REEP5: variants seen among roughly 807,000 people sequenced by gnomAD.
REEP5 encodes the protein receptor expression-enhancing protein 5.
Under a neutral mutation model 22.4 loss-of-function variants are expected in REEP5, and 24 were observed. The observed-to-expected ratio is 1.07, with a 90% confidence interval of 0.78 to 1.51. REEP5 has a LOEUF of 1.51. REEP5 is among the 40% of genes most tolerant of loss of function. The pLI, the probability that REEP5 is intolerant of heterozygous loss-of-function variation, is 0.00. For missense variants in REEP5, 252 were observed against 233.0 expected (o/e 1.08, Z -0.53); for synonymous variants, 103 against 88.6 (o/e 1.16, Z -0.92).
intron 4 of REEP5, among the ~76,000 whole-genome samples, chr5:112,881,127 T>TTAAAAA (rs1768062397): frequency 4.6e-5 from 1 of 21,646 alleles, no homozygotes; most frequent in African/African-American, 8.4e-4. Flanking sequence ...AGACTCTGTT[T>TTAAAAA]CAAAAAAAAA....
intron 2 of REEP5, among the ~76,000 whole-genome samples, chr5:112,919,455 G>A (rs999222898): frequency 6.6e-6 from 1 of 152,024 alleles, no homozygotes; most frequent in African/African-American, 2.4e-5. Flanking sequence ...GGCTGAGGCA[G>A]GAGAATTGCT....
chr5:112,917,413 T>C (rs578060564), intron 2 of REEP5, among the ~76,000 whole-genome samples: 3 of 152,324 alleles, frequency 2.0e-5, no homozygotes, highest in Non-Finnish European at 2.9e-5. Context: ...CCAACTCTGA[T>C]AGTCCCAGGA....
In REEP5 at chr5:112,889,262, T is replaced by C. The variant is rs115013757; in HGVS notation, c.352-2079A>G. 3.3e-3 allele frequency among the ~76,000 whole-genome samples: 499 copies of C among 150,758 alleles called. 31 individuals carry two copies. The highest frequency in any genetic ancestry group is 0.012 in the African/African-American group (467 of 40,540). ...AAAACAAAACAAAACCCAGACACTA[T>C]AGGACTAAATTTTTTATAAAACCCC... is the stretch of plus-strand genomic sequence containing the variant. On this transcript the variant is annotated intron_variant, in intron 3 of 4. Transcript: ENST00000379638.
At chr5:112,885,714 A>G in intron 4 of REEP5, 1 of 304,042 alleles carries the variant, frequency 3.3e-6, no homozygotes. Flanking sequence ...CAGTGGGGAC[A>G]TTATCAGCCA....
chr5:112,916,322 ACATCTTCCCTT>A (rs1193375453), intron 2 of REEP5, among the ~76,000 whole-genome samples: 8 of 152,094 alleles, frequency 5.3e-5, no homozygotes, highest in Non-Finnish European at 1.0e-4. Context: ...TCATCCCCAA[ACATCTTCCCTT>A]GAGATACTTG....
At chr5:112,903,534 CTT>C (rs938465352) in intron 2 of REEP5, among the ~76,000 whole-genome samples, 31 of 152,284 alleles carry the variant, frequency 2.0e-4, no homozygotes, top group African/African-American at 6.7e-4. Context: ...CCACTAAAAA[CTT>C]ATCCATGTAA....
chr5:112,921,499 C>G (rs1316245011), intron 1 of REEP5: 2 of 555,166 alleles, frequency 3.6e-6, no homozygotes, highest in Non-Finnish European at 6.5e-6. Context: ...GGGGCCCCGG[C>G]GCTTTGCGCA....
rs147207416 is a variant in REEP5, at chr5:112,919,422, C to T, written c.212+1741G>A. Among the ~76,000 whole-genome samples, 800 of 151,970 alleles carry T rather than the reference C, an allele frequency of 5.3e-3. 12 individuals carry two copies. Among genetic ancestry groups the T allele is most frequent in the African/African-American group, 0.018 (765 of 41,410 alleles). On this transcript the variant is annotated intron_variant, in intron 2 of 4. Coordinates refer to ENST00000379638, the MANE Select transcript of REEP5 (RefSeq NM_005669.5). ...AATTACTCAGGCGTGGTGGCACACGCCTGTAATCCCAGCTACTAGGGAGGC... is the reference window on the plus strand; with the variant it reads ...AATTACTCAGGCGTGGTGGCACACGTCTGTAATCCCAGCTACTAGGGAGGC...
At position 112,878,469 on chromosome 5, in the gene REEP5, T is replaced by A. The variant is rs2150032272; in HGVS notation, c.*317A>T. Reference sequence around the variant, plus strand: ...TGCGTGCAGGGAGAGCCCAGTAAAGTACACAGCCTGTGGGGTATATAATTT... The same window carrying A: ...TGCGTGCAGGGAGAGCCCAGTAAAGAACACAGCCTGTGGGGTATATAATTT... On this transcript the variant is annotated 3_prime_UTR_variant, in exon 5 of 5. Coordinates refer to ENST00000379638, the MANE Select transcript of REEP5 (RefSeq NM_005669.5). The A allele has an allele frequency of 3.2e-6, 1 of 310,048 alleles. No individual in the cohort carries two copies. The highest frequency in any genetic ancestry group is 5.9e-6 in the Non-Finnish European group (1 of 168,844). 19.2% of individuals were successfully genotyped at this position (310,048 alleles called of 1,614,324 possible).
At chr5:112,918,636 T>A (rs6882720) in intron 2 of REEP5, among the ~76,000 whole-genome samples, 2 of 152,068 alleles carry the variant, frequency 1.3e-5, no homozygotes, top group Non-Finnish European at 2.9e-5. Context: ...AAAATATAAA[T>A]CGTATCATGT....
chr5:112,908,027 G>A (rs1169065452), intron 2 of REEP5, among the ~76,000 whole-genome samples: 1 of 147,892 alleles, frequency 6.8e-6, no homozygotes, highest in Non-Finnish European at 1.5e-5. Flanking sequence ...TACTAAAATT[G>A]ATTAAAAAAA....
intron 2 of REEP5, among the ~76,000 whole-genome samples, chr5:112,919,061 G>C (rs1769291551): frequency 6.6e-6 from 1 of 152,172 alleles, no homozygotes; most frequent in Admixed American, 6.5e-5. Context: ...TTTGATTTTT[G>C]CTAAATAGAT....
At position 112,876,616 on chromosome 5, in the gene REEP5, A is replaced by T. The variant is rs553709206; in HGVS notation, c.*2170T>A. On this transcript the variant is annotated 3_prime_UTR_variant, in exon 5 of 5. Coordinates refer to ENST00000379638, the MANE Select transcript of REEP5 (RefSeq NM_005669.5). ...TTAAGCTGTTTGGTAGGAATTCTGT[A>T]ACTACATACCTTTGAAACACTATTC... 4 of 152,322 alleles carry T rather than the reference A, an allele frequency of 2.6e-5. No individual in the cohort carries two copies. Among genetic ancestry groups the T allele is most frequent in the Non-Finnish European group, 5.9e-5 (4 of 68,030 alleles). 9.4% of individuals were successfully genotyped at this position (152,322 alleles called of 1,614,324 possible).
At chr5:112,902,198 G>A (rs527805377) in intron 3 of REEP5, among the ~76,000 whole-genome samples, 182 bp downstream of exon 3, 32 of 131,380 alleles carry the variant, frequency 2.4e-4, no homozygotes, top group Non-Finnish European at 4.1e-4. Flanking sequence ...GAGGCAAGTG[G>A]CTTGCTTGAG....
intron 2 of REEP5, among the ~76,000 whole-genome samples, chr5:112,915,880 T>TGC (rs1554094969): frequency 7.5e-6 from 1 of 133,824 alleles, no homozygotes; most frequent in African/African-American, 2.7e-5. Context: ...AATTACAATT[T>TGC]AAAAAAAAAA....
intron 1 of REEP5, 174 bp downstream of exon 1, chr5:112,921,899 G>T: frequency 1.3e-6 from 1 of 765,184 alleles, no homozygotes; most frequent in Non-Finnish European, 1.9e-6. Flanking sequence ...GCCCCCGCGG[G>T]GTCCTCCGAT....
intron 2 of REEP5, among the ~76,000 whole-genome samples, chr5:112,910,063 G>A (rs1430150354): frequency 4.6e-5 from 7 of 152,216 alleles, no homozygotes; most frequent in African/African-American, 1.7e-4. Flanking sequence ...AGCATTTTGG[G>A]AGGCCAAGGA....
chr5:112,905,307 GA>G (rs1768931029), intron 2 of REEP5, among the ~76,000 whole-genome samples: 1 of 152,100 alleles, frequency 6.6e-6, no homozygotes, highest in Non-Finnish European at 1.5e-5. Context: ...TTGGGAGGCC[GA>G]GGTGGGCAGA....
chr5:112,879,332 G>T (rs1415729957), intron 4 of REEP5, among the ~76,000 whole-genome samples: 8 of 151,146 alleles, frequency 5.3e-5, no homozygotes, highest in Non-Finnish European at 1.2e-4. Flanking sequence ...GTTTGGGGGG[G>T]GGGGCTGGGG....
Sources: gnomAD v4.1 joint callset for allele counts (sites outside exome capture counted in the v4.1 genomes callset) on GRCh38, gnomAD v4.1.1 for gene constraint, MANE v1.5 for transcripts, NCBI Gene and HGNC (gene_info 2026-07-23, HGNC 2026-07-21) for gene names.